Variants in MMRN1 observed in about 807,000 individuals in gnomAD.
MMRN1 encodes multimerin 1.
MMRN1 carries 94 observed loss-of-function variants against 100.7 expected under a neutral mutation model. The observed-to-expected ratio is 0.93, with a 90% CI of 0.79 to 1.11. The LOEUF (loss-of-function observed/expected upper bound fraction) is 1.11, where lower values mean the gene tolerates loss of function less well. MMRN1 is among the 50% of genes least tolerant of loss of function. MMRN1 has a pLI of 0.00. For missense variants in MMRN1, 1,606 were observed against 1,439.1 expected (o/e 1.12, Z -1.88); for synonymous variants, 575 against 505.0 (o/e 1.14, Z -1.86).
At chr4:89,884,713 CA>C (rs2110569250) in intron 1 of MMRN1, among the ~76,000 whole-genome samples, 1 of 152,262 alleles carries the variant, frequency 6.6e-6, no homozygotes, top group African/African-American at 2.4e-5. Context: ...CCTCCAGCCT[CA>C]GCCTCCCAAG....
intron 1 of MMRN1, among the ~76,000 whole-genome samples, 156 bp from the exon 2 acceptor site, chr4:89,909,120 C>T (rs769619981): frequency 6.6e-6 from 1 of 151,350 alleles, no homozygotes; most frequent in Non-Finnish European, 1.5e-5. Context: ...AAGTTATTTT[C>T]TCTTATATTT....
intron 4 of MMRN1, among the ~76,000 whole-genome samples, chr4:89,926,995 T>C (rs1722283644): frequency 6.6e-6 from 1 of 152,150 alleles, no homozygotes; most frequent in African/African-American, 2.4e-5. Context: ...TGTCTATTTT[T>C]ATGCCAGTAC....
chr4:89,951,867 T>A (rs903044940), intron 7 of MMRN1, 116 bp downstream of exon 7: 1 of 1,214,272 alleles, frequency 8.2e-7, no homozygotes, highest in Non-Finnish European at 1.1e-6. Context: ...ACTTGACAAT[T>A]CCTTTTACTT....
chr4:89,901,849 G>A (rs1215863856), intron 1 of MMRN1: 1 of 151,826 alleles, frequency 6.6e-6, no homozygotes, highest in Non-Finnish European at 1.5e-5. Flanking sequence ...ATAATTAAGT[G>A]GGAACTTTTT....
chr4:89,912,492 A>G (rs1721786428), intron 3 of MMRN1, among the ~76,000 whole-genome samples: 1 of 151,266 alleles, frequency 6.6e-6, no homozygotes, highest in African/African-American at 2.4e-5. Flanking sequence ...TAAAGGACAT[A>G]CAAGGTATGT....
chr4:89,927,953 C>T lies in MMRN1; in HGVS notation c.1114C>T (p.Gln372Ter), dbSNP rs1341202785. 6.3e-7 allele frequency: 1 copy of T among 1,593,368 alleles called. No homozygotes were observed. Among genetic ancestry groups the T allele is most frequent in the Admixed American group, 1.8e-5 (1 of 56,220 alleles). Reference sequence around the variant, plus strand: ...CAGCGAAGATAAAAGCAGAGAATTTCAATCTCTTCTAAAAGGTAAAAATGA... The same window carrying T: ...CAGCGAAGATAAAAGCAGAGAATTTTAATCTCTTCTAAAAGGTAAAAATGA... The part of the protein sequence containing the change: ...KVSEDKSREF[Q>*]SLLKGLKSKS... Residue 372 changes from glutamine to a stop codon, truncating the protein, a stop_gained, in exon 5 of 8, where the codon CAA becomes TAA. Coordinates refer to ENST00000264790, the MANE Select transcript of MMRN1 (RefSeq NM_007351.3). LOFTEE classifies it high-confidence loss of function.
At chr4:89,937,225 T>C (rs1722675510) in intron 6 of MMRN1, among the ~76,000 whole-genome samples, 1 of 152,070 alleles carries the variant, frequency 6.6e-6, no homozygotes, top group Admixed American at 6.6e-5. Flanking sequence ...TGACAATGAA[T>C]GTTCAGGAAA....
chr4:89,945,189 T>G (rs114701552), intron 6 of MMRN1, among the ~76,000 whole-genome samples: 1 of 152,154 alleles, frequency 6.6e-6, no homozygotes, highest in African/African-American at 2.4e-5. Flanking sequence ...ATGTATTCAT[T>G]TTTATTCATA....
chr4:89,906,138 A>G (rs1488205876), intron 1 of MMRN1, among the ~76,000 whole-genome samples: 1 of 151,528 alleles, frequency 6.6e-6, no homozygotes, highest in African/African-American at 2.4e-5. Flanking sequence ...AGTTTTTTAC[A>G]TTAGTCTTTT....
In MMRN1 at chr4:89,884,553, A is replaced by G. The variant is rs192006214; in HGVS notation, c.-249+4951A>G. ...AATCCTTTATCATGTGAACTTGCCT[A>G]AATTCACTAATAGTGAATTATTTTT... On this transcript the variant is annotated intron_variant, in intron 1 of 8. Transcript: ENST00000394980. 2.6e-3 allele frequency among the ~76,000 whole-genome samples: 396 copies of G among 152,226 alleles called. 1 individual carries two copies. The highest frequency in any genetic ancestry group is 3.5e-3 in the Admixed American group (54 of 15,262).
chr4:89,951,769 G>A lies in MMRN1; in HGVS notation c.3265+18G>A, dbSNP rs776557832. 1.2e-5 allele frequency: 20 copies of A among 1,607,526 alleles called. No individual in the cohort carries two copies. Among genetic ancestry groups the A allele is most frequent in the East Asian group, 1.1e-4 (5 of 44,444 alleles). On this transcript the variant is annotated intron_variant, in intron 7 of 7. Coordinates refer to ENST00000264790, the MANE Select transcript of MMRN1 (RefSeq NM_007351.3). The stretch of plus-strand genomic sequence containing the variant: ...AGCTCCAGGTAAAAAAAAAGTATAC[G>A]CATCTTTGGATTTGCTCATTGTCAT...
chr4:89,911,509 A>G (rs1173345827), intron 2 of MMRN1, among the ~76,000 whole-genome samples: 1 of 151,370 alleles, frequency 6.6e-6, no homozygotes, highest in Non-Finnish European at 1.5e-5. Flanking sequence ...CGAATATCCA[A>G]TTTGTTTCAA....
At chr4:89,902,750 A>T (rs1721432845) in intron 1 of MMRN1, among the ~76,000 whole-genome samples, 2 of 152,060 alleles carry the variant, frequency 1.3e-5, no homozygotes, top group Admixed American at 1.3e-4. Context: ...TTTCTTCTTA[A>T]AGTCTAAATT....
intron 1 of MMRN1, chr4:89,879,712 T>G (rs1369134280): frequency 6.6e-6 from 1 of 152,182 alleles, no homozygotes; most frequent in East Asian, 1.9e-4. Context: ...GTATTAGTAG[T>G]TTAGCTCTTT....
At chr4:89,932,838 C>G (rs1262709996) in intron 5 of MMRN1, among the ~76,000 whole-genome samples, 2 of 152,202 alleles carry the variant, frequency 1.3e-5, no homozygotes, top group Non-Finnish European at 2.9e-5. Flanking sequence ...CTGACATGCT[C>G]TGGAGGCATT....
At chr4:89,940,476 G>GAAAAAAAAAAA (rs1488409926) in intron 6 of MMRN1, among the ~76,000 whole-genome samples, 13 of 152,110 alleles carry the variant, frequency 8.5e-5, no homozygotes, top group South Asian at 2.1e-4. Context: ...GAGAAAAAAT[G>GAAAAAAAAAAA]AGGACCTAGT....
Position 89,894,981 on chromosome 4 carries a change from G to A in MMRN1, c.10G>A (p.Ala4Thr), listed in dbSNP as rs188229390. The change falls in exon 1 of 8, where the codon GCA becomes ACA. Residue 4 changes from alanine to threonine, a missense_variant. Transcript: ENST00000264790. ...GCTTCAAACTACTGAGATGAAGGGG[G>A]CAAGATTATTTGTCCTTCTTTCTAG... MKG[A>T]RLFVLLSSLW... The A allele has an allele frequency of 1.6e-4, 265 of 1,610,018 alleles. No homozygotes were observed. The highest frequency in any genetic ancestry group is 2.0e-4 in the Non-Finnish European group (237 of 1,177,494).
chr4:89,940,691 A>G (rs1018146609), intron 6 of MMRN1, among the ~76,000 whole-genome samples: 1 of 152,146 alleles, frequency 6.6e-6, no homozygotes, highest in African/African-American at 2.4e-5. Context: ...ATAACATACA[A>G]ACCTTATAAG....
At chr4:89,898,577 C>G (rs757853242) in intron 1 of MMRN1, among the ~76,000 whole-genome samples, 1 of 151,780 alleles carries the variant, frequency 6.6e-6, no homozygotes, top group African/African-American at 2.4e-5. Flanking sequence ...GTTAGTCACA[C>G]GATGCCATCC....
Sources: gnomAD v4.1 joint callset for allele counts (sites outside exome capture counted in the v4.1 genomes callset) on GRCh38, gnomAD v4.1.1 for gene constraint, MANE v1.5 for transcripts, NCBI Gene and HGNC (gene_info 2026-07-23, HGNC 2026-07-21) for gene names.